Variants in PCBP3 observed in about 807,000 individuals in gnomAD.
PCBP3 encodes poly(rC)-binding protein 3.
In PCBP3, 25 loss-of-function variants were observed where a neutral mutation model predicts 52.7. The ratio of observed to expected loss-of-function variants is 0.47; its 90% CI spans 0.35 to 0.66. The LOEUF (loss-of-function observed/expected upper bound fraction) is 0.66, where lower values mean the gene tolerates loss of function less well. Ranked by LOEUF, PCBP3 falls within the 30% of genes least tolerant of loss-of-function variation. PCBP3 has a pLI of 0.01. For missense variants in PCBP3, 391 were observed against 490.3 expected, an observed-to-expected ratio of 0.80 and a Z score of 1.91; for synonymous variants, 162 against 183.0, an observed-to-expected ratio of 0.89 and a Z score of 0.93.
chr21:45,811,107 GT>G (rs2092676364), intron 4 of PCBP3, among the ~76,000 whole-genome samples: 1 of 150,856 alleles, frequency 6.6e-6, no homozygotes, highest in South Asian at 2.1e-4. Flanking sequence ...TCTTTATTTT[GT>G]TTACTGTTTG....
chr21:45,688,247 A>G (rs1215870566), intron 2 of PCBP3, among the ~76,000 whole-genome samples: 2 of 152,216 alleles, frequency 1.3e-5, no homozygotes, highest in Non-Finnish European at 2.9e-5. Flanking sequence ...ACTGAAACTT[A>G]TAGAATATGC....
intron 2 of PCBP3, among the ~76,000 whole-genome samples, chr21:45,684,147 A>G (rs532346632): frequency 6.6e-6 from 1 of 152,098 alleles, no homozygotes; most frequent in East Asian, 1.9e-4. Flanking sequence ...AGGATCACTT[A>G]AGCTCAGAAG....
chr21:45,677,504 G>A (rs1443712245), intron 2 of PCBP3, among the ~76,000 whole-genome samples: 1 of 152,256 alleles, frequency 6.6e-6, no homozygotes, highest in Non-Finnish European at 1.5e-5. Flanking sequence ...GCTGTACCTT[G>A]TTCTCCAGAA....
At chr21:45,932,124 G>A (rs1272352222) in intron 15 of PCBP3, among the ~76,000 whole-genome samples, 1 of 151,618 alleles carries the variant, frequency 6.6e-6, no homozygotes, top group Non-Finnish European at 1.5e-5. Flanking sequence ...ATGCTGTCCT[G>A]AGGTGGATGA....
intron 2 of PCBP3, among the ~76,000 whole-genome samples, chr21:45,711,584 G>C (rs1315185894): frequency 6.6e-6 from 1 of 152,186 alleles, no homozygotes; most frequent in East Asian, 1.9e-4. Flanking sequence ...TTATCAATTA[G>C]AGTACAGTGC....
At chr21:45,883,667 C>T (rs529538042) in intron 5 of PCBP3, among the ~76,000 whole-genome samples, 18 of 152,210 alleles carry the variant, frequency 1.2e-4, no homozygotes, top group African/African-American at 4.1e-4. Context: ...ATTGCTCTGA[C>T]GTCTATTTTT....
intron 4 of PCBP3, among the ~76,000 whole-genome samples, chr21:45,807,613 A>G (rs2092548667): frequency 6.6e-6 from 1 of 152,044 alleles, no homozygotes; most frequent in African/African-American, 2.4e-5. Flanking sequence ...TACTGCCCAA[A>G]GTAATTTATA....
intron 3 of PCBP3, among the ~76,000 whole-genome samples, chr21:45,748,795 G>A (rs987622478): frequency 4.6e-5 from 7 of 152,212 alleles, no homozygotes; most frequent in African/African-American, 9.6e-5. Flanking sequence ...AGAAGTGTCC[G>A]GTAGGAACCC....
At chr21:45,898,473 CTCCT>C (rs2095901110) in intron 6 of PCBP3, among the ~76,000 whole-genome samples, 1 of 151,704 alleles carries the variant, frequency 6.6e-6, no homozygotes, top group African/African-American at 2.4e-5. Context: ...TGGTCTCCCT[CTCCT>C]TCCACAGACC....
At chr21:45,846,493 G>A (rs879272814) in intron 4 of PCBP3, among the ~76,000 whole-genome samples, 14 of 151,874 alleles carry the variant, frequency 9.2e-5, no homozygotes, top group South Asian at 4.2e-4. Flanking sequence ...TATTATTGGA[G>A]TACAAAGTTT....
At chr21:45,936,718 C>T (rs565264495) in intron 16 of PCBP3, among the ~76,000 whole-genome samples, 2 of 152,350 alleles carry the variant, frequency 1.3e-5, no homozygotes, top group African/African-American at 4.8e-5. Context: ...TCACTAACAC[C>T]AGGTTTGGTG....
chr21:45,923,408 T>C (rs1259143974), intron 13 of PCBP3, among the ~76,000 whole-genome samples: 1 of 152,178 alleles, frequency 6.6e-6, no homozygotes, highest in Non-Finnish European at 1.5e-5. Context: ...ACTCCTTTCA[T>C]GAAACAAGAG....
intron 5 of PCBP3, among the ~76,000 whole-genome samples, chr21:45,888,091 C>G (rs1017163978): frequency 1.3e-5 from 2 of 152,198 alleles, no homozygotes; most frequent in Admixed American, 6.5e-5. Flanking sequence ...CTGCTGGGTA[C>G]CTGTCCTGGC....
At chr21:45,777,289 G>A (rs1255437602) in intron 4 of PCBP3, among the ~76,000 whole-genome samples, 1 of 149,652 alleles carries the variant, frequency 6.7e-6, no homozygotes, top group Non-Finnish European at 1.5e-5. Flanking sequence ...TTTGCTGTCA[G>A]TCTGAAGGGA....
chr21:45,941,663 G>A lies in PCBP3; in HGVS notation c.1080-7G>A. 6.2e-7 allele frequency: 1 copy of A among 1,606,986 alleles called. No homozygotes were observed. Among genetic ancestry groups the A allele is most frequent in the Non-Finnish European group, 8.5e-7 (1 of 1,176,688 alleles). On this transcript the variant is annotated splice_polypyrimidine_tract_variant and splice_region_variant and intron_variant, in intron 17 of 17. Transcript: ENST00000681687. ...GTCTCTCCCTCTCCTGCCTTTGTCT[G>A]TTCCAGGCTGACGTCCGAGGTCACC... is the stretch of plus-strand genomic sequence containing the variant.
intron 1 of PCBP3, among the ~76,000 whole-genome samples, chr21:45,651,089 C>G (rs1008161119): frequency 1.3e-5 from 2 of 152,084 alleles, no homozygotes; most frequent in Admixed American, 6.6e-5. Context: ...TTTGTGAGAC[C>G]CTAAGCAGAG....
intron 2 of PCBP3, among the ~76,000 whole-genome samples, chr21:45,669,421 A>T (rs2081004639): frequency 6.6e-6 from 1 of 152,254 alleles, no homozygotes; most frequent in Admixed American, 6.5e-5. Context: ...TAGTTTTAAA[A>T]TTTTAGTTAA....
At chr21:45,779,501 G>T (rs1293785664) in intron 4 of PCBP3, among the ~76,000 whole-genome samples, 1 of 152,118 alleles carries the variant, frequency 6.6e-6, no homozygotes, top group Non-Finnish European at 1.5e-5. Flanking sequence ...TCTCTCTTGG[G>T]TAATGTATTC....
chr21:45,909,933 C>CGG (rs1431676140), intron 10 of PCBP3, among the ~76,000 whole-genome samples: 7 of 93,378 alleles, frequency 7.5e-5, no homozygotes, highest in African/African-American at 1.3e-4. Flanking sequence ...GATATGGACC[C>CGG]CCCCAACCCA....
Sources: allele counts gnomAD v4.1 joint callset (sites outside exome capture counted in the v4.1 genomes callset), GRCh38; gene constraint gnomAD v4.1.1; transcripts MANE v1.5; gene names NCBI Gene and HGNC (gene_info 2026-07-23, HGNC 2026-07-21).